LINGO2: variants seen among roughly 807,000 people sequenced by gnomAD.
The protein encoded by LINGO2 is leucine-rich repeat and immunoglobulin-like domain-containing nogo receptor-interacting protein 2.
In LINGO2, 14 loss-of-function variants were observed where a neutral mutation model predicts 30.6. The observed-to-expected ratio is 0.46, with a 90% CI of 0.30 to 0.72. LINGO2 has a LOEUF of 0.72. Among genes scored for constraint, LINGO2 ranks in the 30% least tolerant of loss-of-function variants. The pLI, the probability that LINGO2 is intolerant of heterozygous loss-of-function variation, is 0.07. For synonymous variants in LINGO2, 317 were observed against 288.5 expected, an observed-to-expected ratio of 1.10 and a Z score of -1.00; for missense variants, 729 against 751.7, an observed-to-expected ratio of 0.97 and a Z score of 0.35.
intron 5 of LINGO2, among the ~76,000 whole-genome samples, chr9:28,011,712 A>G (rs1439814228): frequency 6.6e-6 from 1 of 152,188 alleles, no homozygotes; most frequent in Non-Finnish European, 1.5e-5. Context: ...GTGCATTTTC[A>G]TCTTACTGCA....
the LINGO2 span, among the ~76,000 whole-genome samples, chr9:28,782,124 T>C: frequency 6.6e-6 from 1 of 152,142 alleles, no homozygotes; most frequent in Non-Finnish European, 1.5e-5. Flanking sequence ...TATATATATA[T>C]ATCTTACAAG....
At chr9:28,164,039 G>C (rs1828359866) in intron 4 of LINGO2, among the ~76,000 whole-genome samples, 1 of 152,136 alleles carries the variant, frequency 6.6e-6, no homozygotes, top group Non-Finnish European at 1.5e-5. Context: ...AATTAATCAG[G>C]AGTAAATTTT....
intron 2 of LINGO2, among the ~76,000 whole-genome samples, chr9:28,374,037 G>T (rs1025510876): frequency 6.6e-6 from 1 of 151,930 alleles, no homozygotes; most frequent in African/African-American, 2.4e-5. Flanking sequence ...AATCACAAAG[G>T]TTTCTCCTTT....
intron 4 of LINGO2, among the ~76,000 whole-genome samples, chr9:28,048,730 G>T (rs1282285077): frequency 6.6e-6 from 1 of 150,564 alleles, no homozygotes; most frequent in Admixed American, 6.7e-5. Context: ...TAAAGGAAAA[G>T]ATTTAATAAA....
rs1308176789 is a variant in LINGO2 at position 28,069,080 on chromosome 9, C to G, written c.-86-56675G>C. ...TCTGAGCATCAAAAGCAAGAAAATG[C>G]TATAGGATTTCAAAGGACGTGCAGA... On this transcript the variant is annotated intron_variant, in intron 4 of 5. Coordinates refer to ENST00000379992, the Ensembl canonical transcript of LINGO2. 2.6e-5 allele frequency among the ~76,000 whole-genome samples: 4 copies of G among 152,012 alleles called. No individual in the cohort carries two copies. The East Asian group carries it at 7.7e-4, about 29-fold the overall frequency.
chr9:28,217,799 T>A (rs561317855), intron 4 of LINGO2, among the ~76,000 whole-genome samples: 1 of 152,152 alleles, frequency 6.6e-6, no homozygotes, highest in East Asian at 1.9e-4. Context: ...AAATAGGAAC[T>A]GCTTTTAAAG....
chr9:28,562,651 T>G (rs924089957), intron 1 of LINGO2, among the ~76,000 whole-genome samples: 1 of 151,950 alleles, frequency 6.6e-6, no homozygotes, highest in Non-Finnish European at 1.5e-5. Flanking sequence ...TGTGTCTTTA[T>G]GATGAGGTGA....
the LINGO2 span, among the ~76,000 whole-genome samples, chr9:28,838,529 G>C: frequency 6.6e-6 from 1 of 152,160 alleles, no homozygotes; most frequent in African/African-American, 2.4e-5. Context: ...TTTAACAACT[G>C]TTGGTTTACA....
the LINGO2 span, among the ~76,000 whole-genome samples, chr9:29,198,332 A>T: frequency 2.8e-4 from 42 of 152,314 alleles, no homozygotes; most frequent in African/African-American, 9.6e-4. Context: ...TTTATAAGCC[A>T]GCATCCTTTG....
downstream of LINGO2, among the ~76,000 whole-genome samples, chr9:27,946,157 T>G (rs1341010530): frequency 6.6e-6 from 1 of 152,118 alleles, no homozygotes; most frequent in Non-Finnish European, 1.5e-5. Flanking sequence ...TATAAATTAG[T>G]GAAGCCTGAA....
At chr9:28,205,046 A>C (rs1187180877) in intron 4 of LINGO2, among the ~76,000 whole-genome samples, 7 of 151,412 alleles carry the variant, frequency 4.6e-5, no homozygotes, top group African/African-American at 1.7e-4. Flanking sequence ...GTCAATTCAG[A>C]AATATGTGTT....
chr9:28,294,686 C>T (rs1445220798), intron 4 of LINGO2, among the ~76,000 whole-genome samples: 1 of 152,094 alleles, frequency 6.6e-6, no homozygotes, highest in Non-Finnish European at 1.5e-5. Flanking sequence ...TACAGTATGT[C>T]ATTGTATCAC....
chr9:28,717,012 T>A, the LINGO2 span, among the ~76,000 whole-genome samples: 4 of 152,004 alleles, frequency 2.6e-5, no homozygotes. Context: ...ATATTGAAAA[T>A]TTAATATAAG....
chr9:28,812,795 A>G, the LINGO2 span, among the ~76,000 whole-genome samples: 3,995 of 152,192 alleles, frequency 0.026, 181 homozygotes, highest in African/African-American at 0.09. Context: ...CTGAGATCCC[A>G]ACTCTGTTAC....
intron 3 of LINGO2, among the ~76,000 whole-genome samples, chr9:28,311,137 T>C (rs1824600716): frequency 6.6e-6 from 1 of 152,092 alleles, no homozygotes; most frequent in South Asian, 2.1e-4. Flanking sequence ...GTCAGCAGGT[T>C]CTGTGATGCC....
the LINGO2 span, among the ~76,000 whole-genome samples, chr9:28,983,845 C>A: frequency 3.3e-5 from 5 of 151,912 alleles, no homozygotes; most frequent in African/African-American, 1.2e-4. Context: ...ATTATCGTAG[C>A]ATCAACTCCT....
At chr9:28,039,352 T>C (rs1824094591) in intron 4 of LINGO2, among the ~76,000 whole-genome samples, 2 of 152,158 alleles carry the variant, frequency 1.3e-5, no homozygotes, top group South Asian at 4.1e-4. Context: ...AGTGCAAAGG[T>C]GATCTGGGAT....
At chr9:28,842,212 C>T in the LINGO2 span, among the ~76,000 whole-genome samples, 23 of 151,856 alleles carry the variant, frequency 1.5e-4, no homozygotes, top group Admixed American at 1.3e-4. Context: ...TTGATAACAA[C>T]ACCTGTGATA....
chr9:28,946,404 T>C, the LINGO2 span, among the ~76,000 whole-genome samples: 1 of 152,142 alleles, frequency 6.6e-6, no homozygotes, highest in Non-Finnish European at 1.5e-5. Flanking sequence ...TTAAAGATGC[T>C]TGAATTGAAA....
Sources: allele counts gnomAD v4.1 joint callset (sites outside exome capture counted in the v4.1 genomes callset), GRCh38; gene constraint gnomAD v4.1.1; transcripts MANE v1.5; gene names NCBI Gene and HGNC (gene_info 2026-07-23, HGNC 2026-07-21).